The following PRIM2 variants were observed in gnomAD, a reference collection of about 807,000 sequenced individuals.
PRIM2 encodes the protein DNA primase subunit 2.
In PRIM2, 39 loss-of-function variants were observed where a neutral mutation model predicts 67.3. The observed-to-expected ratio is 0.58, with a 90% confidence interval of 0.45 to 0.76. The LOEUF (loss-of-function observed/expected upper bound fraction) is 0.76, where lower values mean the gene tolerates loss of function less well. Among genes scored for constraint, PRIM2 ranks in the 30% least tolerant of loss-of-function variants. The pLI, the probability that PRIM2 is intolerant of heterozygous loss-of-function variation, is 0.00. For synonymous variants in PRIM2, 143 were observed against 198.7 expected, an observed-to-expected ratio of 0.72 and a Z score of 2.36; for missense variants, 398 against 598.7, an observed-to-expected ratio of 0.66 and a Z score of 3.50.
chr6:57,376,774 T>C (rs1438504665), intron 5 of PRIM2, among the ~76,000 whole-genome samples: 1 of 152,240 alleles, frequency 6.6e-6, no homozygotes, highest in Non-Finnish European at 1.5e-5. Flanking sequence ...TTTTGTTAGA[T>C]TTATTCCTAG....
chr6:57,455,091 C>T (rs1468300670), intron 7 of PRIM2, among the ~76,000 whole-genome samples: 1,465 of 141,950 alleles, frequency 0.01, 24 homozygotes, highest in African/African-American at 0.036. Flanking sequence ...TGTAGTTGAG[C>T]GGTTTTGAGT....
chr6:57,459,818 C>A (rs11754029), intron 7 of PRIM2, among the ~76,000 whole-genome samples: 8 of 152,240 alleles, frequency 5.3e-5, no homozygotes, highest in Admixed American at 4.6e-4. Context: ...AGCTGATTGT[C>A]AATTGTTAAT....
intron 5 of PRIM2, among the ~76,000 whole-genome samples, chr6:57,365,773 A>G (rs1255714509): frequency 6.6e-6 from 1 of 152,080 alleles, no homozygotes; most frequent in Non-Finnish European, 1.5e-5. Context: ...CAGCCTGGGT[A>G]ACATAATGAG....
At chr6:57,318,166 C>G (rs975927759) in intron 1 of PRIM2, among the ~76,000 whole-genome samples, 2 of 152,122 alleles carry the variant, frequency 1.3e-5, no homozygotes, top group Non-Finnish European at 2.9e-5. Context: ...GCAACATCAC[C>G]TGACTTTCAT....
intron 13 of PRIM2, among the ~76,000 whole-genome samples, chr6:57,638,729 C>T (rs1265880585): frequency 2.0e-5 from 3 of 151,970 alleles, no homozygotes; most frequent in Non-Finnish European, 4.4e-5. Context: ...AATATATATA[C>T]ACCCAATACA....
At chr6:57,325,545 T>C (rs1424807360) in intron 4 of PRIM2, among the ~76,000 whole-genome samples, 1 of 152,160 alleles carries the variant, frequency 6.6e-6, no homozygotes, top group East Asian at 1.9e-4. Flanking sequence ...CTGCCTGCCT[T>C]GACCTCCCAA....
intron 10 of PRIM2, among the ~76,000 whole-genome samples, chr6:57,598,716 G>A (rs1776411246): frequency 6.6e-6 from 1 of 151,508 alleles, no homozygotes; most frequent in African/African-American, 2.4e-5. Context: ...GCAAGACCTT[G>A]TCTGGTGACA....
At chr6:57,436,594 G>A (rs1231289634) in intron 7 of PRIM2, among the ~76,000 whole-genome samples, 1 of 152,116 alleles carries the variant, frequency 6.6e-6, no homozygotes, top group Admixed American at 6.6e-5. Flanking sequence ...AGCTCTTAAG[G>A]CTTTAAAAGT....
chr6:57,431,141 A>G (rs1270087506), intron 7 of PRIM2, among the ~76,000 whole-genome samples: 4 of 151,572 alleles, frequency 2.6e-5, no homozygotes, highest in Admixed American at 6.6e-5. Context: ...TGGGTTTGAC[A>G]TTTCTTCTCA....
chr6:57,641,340 A>G (rs1777229470), intron 13 of PRIM2, among the ~76,000 whole-genome samples: 1 of 152,182 alleles, frequency 6.6e-6, no homozygotes. Flanking sequence ...CAAAGACTTC[A>G]TGACTAAAAC....
intron 8 of PRIM2, among the ~76,000 whole-genome samples, chr6:57,512,643 G>A (rs1188699069): frequency 6.6e-6 from 1 of 151,994 alleles, no homozygotes; most frequent in African/African-American, 2.4e-5. Context: ...TGTCGCCCAG[G>A]CTGGAGTGCA....
At chr6:57,409,261 T>C (rs7759037) in intron 7 of PRIM2, among the ~76,000 whole-genome samples, 9,229 of 152,168 alleles carry the variant, frequency 0.061, 383 homozygotes, top group Admixed American at 0.1. Context: ...CTGCAAGCTC[T>C]GCCTCTCGGG....
At chr6:57,244,734 T>A in the PRIM2 span, among the ~76,000 whole-genome samples, 1 of 120,950 alleles carries the variant, frequency 8.3e-6, no homozygotes, top group East Asian at 2.8e-4. Flanking sequence ...AGAGCGAAAC[T>A]CCATCTCAAA....
At chr6:57,616,682 CTA>C (rs1462067513) in intron 12 of PRIM2, among the ~76,000 whole-genome samples, 1 of 151,716 alleles carries the variant, frequency 6.6e-6, no homozygotes, top group African/African-American at 2.4e-5. Flanking sequence ...ATACAAATAA[CTA>C]TTTTAAAATG....
At chr6:57,380,145 T>C (rs1769907399) in intron 6 of PRIM2, 149 bp downstream of exon 6, 2 of 630,334 alleles carry the variant, frequency 3.2e-6, no homozygotes, top group Admixed American at 6.7e-5. Flanking sequence ...GCACTAATGG[T>C]GTGCCAATGT....
intron 7 of PRIM2, among the ~76,000 whole-genome samples, chr6:57,471,274 G>A (rs1316709599): frequency 2.6e-5 from 4 of 152,106 alleles, no homozygotes; most frequent in African/African-American, 9.7e-5. Flanking sequence ...GGCAGAAAGA[G>A]CAGGAGAGCC....
intron 10 of PRIM2, among the ~76,000 whole-genome samples, chr6:57,541,105 T>C (rs1320459051): frequency 6.6e-6 from 1 of 152,236 alleles, no homozygotes. Context: ...ACAGTTGAAT[T>C]GCTTGATATG....
At chr6:57,595,267 C>CAAGA (rs1776345746) in intron 10 of PRIM2, among the ~76,000 whole-genome samples, 1 of 152,124 alleles carries the variant, frequency 6.6e-6, no homozygotes, top group Non-Finnish European at 1.5e-5. Context: ...TAAGAATGTT[C>CAAGA]ATGGCCACTT....
chr6:57,301,217 G>A, the PRIM2 span, among the ~76,000 whole-genome samples: 20 of 152,220 alleles, frequency 1.3e-4, no homozygotes, highest in African/African-American at 4.6e-4. Flanking sequence ...GCTGGGTGTG[G>A]TGGGTTATGC....
Sources: gnomAD v4.1 joint callset for allele counts (sites outside exome capture counted in the v4.1 genomes callset) on GRCh38, gnomAD v4.1.1 for gene constraint, MANE v1.5 for transcripts, NCBI Gene and HGNC (gene_info 2026-07-23, HGNC 2026-07-21) for gene names.